The following SNX5 variants were observed in gnomAD, a reference collection of about 807,000 sequenced individuals.
SNX5 encodes sorting nexin 5, also known as sorting nexin-5.
In SNX5, 31 loss-of-function variants were observed where a neutral mutation model predicts 53.9. That is an observed-to-expected ratio of 0.58 (90% CI 0.43 to 0.78). The LOEUF (loss-of-function observed/expected upper bound fraction) is 0.78, where lower values mean the gene tolerates loss of function less well. SNX5 is among the 30% of genes least tolerant of loss of function. The probability of loss-of-function intolerance (pLI) is 0.00; values close to 1 mark genes in which losing one functional copy is unlikely to be tolerated. For missense variants in SNX5, 471 were observed against 478.8 expected (o/e 0.98, Z 0.15); for synonymous variants, 168 against 171.1 (o/e 0.98, Z 0.14).
chr20:17,946,549 A>G (rs2039490060), intron 11 of SNX5, among the ~76,000 whole-genome samples: 3 of 152,244 alleles, frequency 2.0e-5, no homozygotes, highest in Admixed American at 6.5e-5. Context: ...CTGGGAGTCC[A>G]TGACTCTAAT....
intron 2 of SNX5, among the ~76,000 whole-genome samples, chr20:17,955,811 A>G (rs1255947825): frequency 2.0e-5 from 3 of 152,130 alleles, no homozygotes; most frequent in African/African-American, 7.2e-5. Flanking sequence ...TTTTTGGGAC[A>G]GGGTCTGGCT....
chr20:17,961,679 C>G, intron 1 of SNX5: 1 of 984,968 alleles, frequency 1.0e-6, no homozygotes, highest in Non-Finnish European at 1.2e-6. Flanking sequence ...AAGATATGTA[C>G]TTAAGCAGCA....
rs1255951369 is a variant in SNX5 at position 17,961,127 on chromosome 20, T to G, written c.52-4090A>C. ...GAGAAAAGTAGTTACGGAATCCCTG[T>G]GCATTTCCTCACCTATTCATCAGCT... On this transcript the variant is annotated intron_variant, in intron 1 of 12. Transcript: ENST00000377759. 2.6e-5 allele frequency: 26 copies of G among 985,274 alleles called. No individual in the cohort carries two copies. The Admixed American group carries it at 6.1e-4, about 23-fold the overall frequency. The allele number at this position is 985,274 out of a possible 1,614,324, so 61.0% of individuals were successfully genotyped here. A position where few individuals can be genotyped will look rare whatever the true frequency, so the allele number is the denominator to read the frequency against.
At chr20:17,963,871 G>A (rs1465386433) in intron 1 of SNX5, among the ~76,000 whole-genome samples, 1 of 151,408 alleles carries the variant, frequency 6.6e-6, no homozygotes, top group Non-Finnish European at 1.5e-5. Context: ...GCAGCATGGA[G>A]AGCAGGCTGC....
chr20:17,968,701 C>G lies in SNX5; in HGVS notation c.-276G>C, dbSNP rs1014712260. 1 of 503,380 alleles carries G rather than the reference C, an allele frequency of 2.0e-6. No homozygotes were observed. The highest frequency in any genetic ancestry group is 3.6e-5 in the Admixed American group (1 of 28,092). 31.2% of individuals were successfully genotyped at this position (503,380 alleles called of 1,614,324 possible). A position where few individuals can be genotyped will look rare whatever the true frequency, so the allele number is the denominator to read the frequency against. On this transcript the variant is annotated 5_prime_UTR_variant, in exon 1 of 13. Transcript: ENST00000377759. ...GCAAAGACGCCACGTGGGGCCTACC[C>G]TTGCTCCGCTCCACGAGGAGGCCGC...
chr20:17,963,871 G>T (rs1465386433), intron 1 of SNX5, among the ~76,000 whole-genome samples: 1 of 151,408 alleles, frequency 6.6e-6, no homozygotes, highest in Non-Finnish European at 1.5e-5. Flanking sequence ...GCAGCATGGA[G>T]AGCAGGCTGC....
rs554659700 is a variant in SNX5, at chr20:17,968,444, C to G, written c.-19G>C. ...CGGCCATGGCGACGCGGGACTCGAGCAGGGGCCGCCTGGCTGTGCGAGGAA... is the reference window on the plus strand; with the variant it reads ...CGGCCATGGCGACGCGGGACTCGAGGAGGGGCCGCCTGGCTGTGCGAGGAA... On this transcript the variant is annotated 5_prime_UTR_variant, in exon 1 of 13. Coordinates refer to ENST00000377759, the MANE Select transcript of SNX5 (RefSeq NM_014426.4). 5.3e-5 allele frequency: 68 copies of G among 1,289,356 alleles called. No homozygotes were observed. The East Asian group carries it at 1.7e-3, about 33-fold the overall frequency. 79.9% of individuals were successfully genotyped at this position (1,289,356 alleles called of 1,614,324 possible).
chr20:17,968,663 A>C lies in SNX5; in HGVS notation c.-238T>G, dbSNP rs2035620924. On this transcript the variant is annotated 5_prime_UTR_variant, in exon 1 of 13. It removes an upstream start codon present in the reference 5' UTR. Transcript: ENST00000377759. The stretch of plus-strand genomic sequence containing the variant: ...AGCCTCCCAGTCCCCGCTGCCGTCC[A>C]TCTTGGAGCCGGGCAAAGACGCCAC... 1 of 597,010 alleles carries C rather than the reference A, an allele frequency of 1.7e-6. No homozygotes were observed. The highest frequency in any genetic ancestry group is 3.0e-6 in the Non-Finnish European group (1 of 328,340). The allele number at this position is 597,010 out of a possible 1,614,324, so 37.0% of individuals were successfully genotyped here.
At chr20:17,968,306 GA>G in intron 1 of SNX5, 68 bp downstream of exon 1, 1 of 1,201,196 alleles carries the variant, frequency 8.3e-7, no homozygotes, top group Non-Finnish European at 1.1e-6. Flanking sequence ...ACGCGCAAGG[GA>G]AAGAATGCAG....
At chr20:17,949,532 T>C (rs2039534551) in intron 8 of SNX5, among the ~76,000 whole-genome samples, 1 of 152,192 alleles carries the variant, frequency 6.6e-6, no homozygotes, top group Non-Finnish European at 1.5e-5. Flanking sequence ...AGTAAAATAT[T>C]GTCTTACACC....
intron 12 of SNX5, 131 bp downstream of exon 12, chr20:17,942,979 T>A (rs2039438043): frequency 1.6e-6 from 1 of 624,744 alleles, no homozygotes. Context: ...GTGGCTCCCA[T>A]CAACTAAGTA....
intron 1 of SNX5, chr20:17,962,975 T>C (rs1298896452): frequency 2.0e-6 from 1 of 488,932 alleles, no homozygotes; most frequent in East Asian, 5.6e-5. Flanking sequence ...ACTAATGGAA[T>C]CAACATGGAA....
At chr20:17,956,608 G>A (rs2035359222) in intron 2 of SNX5, among the ~76,000 whole-genome samples, 1 of 146,768 alleles carries the variant, frequency 6.8e-6, no homozygotes, top group South Asian at 2.2e-4. Flanking sequence ...CCGGGAGGCA[G>A]GGGCTGCAGT....
In SNX5 at chr20:17,943,278, C is replaced by T. The variant is rs929615818; in HGVS notation, c.1079-83G>A. 13 of 892,112 alleles carry T rather than the reference C, an allele frequency of 1.5e-5. No individual in the cohort carries two copies. In the South Asian group the frequency reaches 1.5e-4, roughly 10 times the overall value. 55.3% of individuals were successfully genotyped at this position (892,112 alleles called of 1,614,324 possible). A position where few individuals can be genotyped will look rare whatever the true frequency, so the allele number is the denominator to read the frequency against. ...CTTTAACTACCAAATGGCATTCTTA[C>T]AAATGGTCTCCAATGCTTTCAGGCA... On this transcript the variant is annotated intron_variant, in intron 11 of 12. Transcript: ENST00000377759.
At chr20:17,966,512 G>GT (rs1193855730) in intron 1 of SNX5, among the ~76,000 whole-genome samples, 11 of 152,258 alleles carry the variant, frequency 7.2e-5, no homozygotes, top group African/African-American at 2.4e-4. Flanking sequence ...GCTAAAGAAT[G>GT]TAACAAAATG....
intron 8 of SNX5, among the ~76,000 whole-genome samples, chr20:17,949,412 T>C (rs1447392674): frequency 6.6e-6 from 1 of 152,248 alleles, no homozygotes; most frequent in African/African-American, 2.4e-5. Context: ...AGCTATGCTA[T>C]GGGCATCACA....
intron 8 of SNX5, among the ~76,000 whole-genome samples, chr20:17,949,688 A>G (rs1266088755): frequency 6.6e-6 from 1 of 152,172 alleles, no homozygotes; most frequent in Non-Finnish European, 1.5e-5. Flanking sequence ...AATTATTCTC[A>G]TGACCACTAT....
At chr20:17,960,068 A>C (rs771484718) in intron 1 of SNX5, among the ~76,000 whole-genome samples, 13 of 152,180 alleles carry the variant, frequency 8.5e-5, no homozygotes, top group Admixed American at 3.9e-4. Context: ...GGCATGCCGG[A>C]CCTTTACCAT....
chr20:17,947,394 T>C, intron 11 of SNX5, 92 bp downstream of exon 11: 3 of 1,379,946 alleles, frequency 2.2e-6, no homozygotes, highest in East Asian at 2.3e-5. Context: ...GGGTGAAGGA[T>C]ACATGGGTGT....
Sources: gnomAD v4.1 joint callset for allele counts (sites outside exome capture counted in the v4.1 genomes callset) on GRCh38, gnomAD v4.1.1 for gene constraint, MANE v1.5 for transcripts, NCBI Gene and HGNC (gene_info 2026-07-23, HGNC 2026-07-21) for gene names.